The following ARHGAP9 variants were observed in gnomAD, a reference collection of about 807,000 sequenced individuals.
The protein encoded by ARHGAP9 is Rho GTPase activating protein 9.
A neutral mutation model predicts 87.3 loss-of-function variants in ARHGAP9; 76 were observed. That is an observed-to-expected ratio of 0.87 (90% CI 0.72 to 1.05). The LOEUF is 1.05. Ranked by LOEUF, ARHGAP9 falls within the 50% of genes least tolerant of loss-of-function variation. The pLI is 0.00. For missense variants in ARHGAP9, 941 were observed against 960.5 expected, an observed-to-expected ratio of 0.98 and a Z score of 0.27; for synonymous variants, 382 against 394.9, an observed-to-expected ratio of 0.97 and a Z score of 0.39.
chr12:57,472,813 A>C (rs1250524456), intron 17 of ARHGAP9, 125 bp from the exon 18 acceptor site: 1 of 1,009,704 alleles, frequency 9.9e-7, no homozygotes, highest in Non-Finnish European at 1.5e-6. Context: ...ATGGTAACAA[A>C]AAAACCAAGG....
At chr12:57,477,345 G>T in intron 4 of ARHGAP9, 76 bp from the exon 5 acceptor site, 1 of 1,511,892 alleles carries the variant, frequency 6.6e-7, no homozygotes, top group Non-Finnish European at 9.0e-7. Flanking sequence ...TCTTATACTT[G>T]GCTGATTCTT....
chr12:57,477,652 G>A lies in ARHGAP9; in HGVS notation c.563C>T (p.Pro188Leu), dbSNP rs777374501. The A allele has an allele frequency of 6.2e-7, 1 of 1,612,984 alleles. No individual in the cohort carries two copies. The highest frequency in any genetic ancestry group is 1.3e-5 in the African/African-American group (1 of 74,824). Residue 188 changes from proline (P) to leucine (L), a missense_variant, in exon 4 of 18, where the codon CCC becomes CTC. Physicochemically the swap from Pro to Leu is moderately conservative, Grantham distance 98. Coordinates refer to ENST00000393791, the MANE Select transcript of ARHGAP9 (RefSeq NM_032496.4). Reference protein sequence around the residue: ...TAGPQPLMSEPPVYCNLVDLR... With the variant: ...TAGPQPLMSELPVYCNLVDLR... The stretch of plus-strand genomic sequence containing the variant: ...GTCCACCAGGTTACAGTACACAGGG[G>A]GCTCTGACATGAGGGGCTGGGGGCC...
intron 1 of ARHGAP9, chr12:57,488,399 C>T: frequency 1.4e-6 from 1 of 733,278 alleles, no homozygotes; most frequent in Non-Finnish European, 2.2e-6. Context: ...CAATATAATA[C>T]CCTTCCCTTA....
upstream of ARHGAP9, among the ~76,000 whole-genome samples, chr12:57,483,407 C>T (rs1484918453): frequency 1.3e-5 from 2 of 152,182 alleles, no homozygotes; most frequent in East Asian, 1.9e-4. Context: ...ATATAGTTCT[C>T]ATTGCATATA....
chr12:57,479,980 G>A (rs1189120978), upstream of ARHGAP9: 4 of 1,362,354 alleles, frequency 2.9e-6, no homozygotes, highest in African/African-American at 4.5e-5. Context: ...GAGAGACATG[G>A]TGACAGAGAA....
intron 13 of ARHGAP9, 72 bp from the exon 14 acceptor site, chr12:57,474,775 G>A (rs1872964552): frequency 6.2e-7 from 1 of 1,606,266 alleles, no homozygotes; most frequent in Non-Finnish European, 8.5e-7. Flanking sequence ...TAAGGGTGGA[G>A]AGAAAAAGGG....
intron 3 of ARHGAP9, 163 bp from the exon 4 acceptor site, chr12:57,477,843 G>T: frequency 6.9e-7 from 1 of 1,451,314 alleles, no homozygotes; most frequent in Non-Finnish European, 9.0e-7. Context: ...GGCCCCAGCT[G>T]CTTTTTAAAA....
chr12:57,475,880 C>A lies in ARHGAP9; in HGVS notation c.1264G>T (p.Glu422Ter), dbSNP rs1165599678. 1.5e-5 allele frequency: 25 copies of A among 1,613,830 alleles called. No homozygotes were observed. The highest frequency in any genetic ancestry group is 2.0e-5 in the Non-Finnish European group (24 of 1,179,920). Residue 422 changes from glutamate to a stop codon, truncating the protein, a stop_gained, in exon 10 of 18, where the codon GAG (glutamate) becomes TAG (stop). Transcript: ENST00000393791. LOFTEE classifies it high-confidence loss of function. ...AGCGCGCGGTGCCAGGCTCGCAGCT[C>A]TGTCTCGTGGTCCGACTGCAGCAGG... ...EFLLQSDHET[E>*]LRAWHRALRT...
chr12:57,475,708 G>A, intron 10 of ARHGAP9, 93 bp from the exon 11 acceptor site: 2 of 1,548,894 alleles, frequency 1.3e-6, no homozygotes, highest in African/African-American at 1.4e-5. Flanking sequence ...CCCACATCCC[G>A]GCCCAGGCAA....
chr12:57,476,673 A>G, intron 6 of ARHGAP9, 22 bp from the exon 7 acceptor site: 1 of 1,568,920 alleles, frequency 6.4e-7, no homozygotes. Flanking sequence ...AGGGAATGGG[A>G]TCTGTAAGTC....
At position 57,472,296 on chromosome 12, in the gene ARHGAP9, T is replaced by C; in HGVS notation, c.*221A>G. 3.2e-6 allele frequency: 2 copies of C among 618,048 alleles called. No individual in the cohort carries two copies. Among genetic ancestry groups the C allele is most frequent in the Admixed American group, 3.2e-5 (1 of 30,968 alleles). 38.3% of individuals were successfully genotyped at this position (618,048 alleles called of 1,614,324 possible). ...CCATGCCACTTTATGTATTATTATG[T>C]TGGGGAGGAATGATAACAGGGAACA... On this transcript the variant is annotated 3_prime_UTR_variant, in exon 18 of 18. Coordinates refer to ENST00000393791, the MANE Select transcript of ARHGAP9 (RefSeq NM_032496.4).
At position 57,473,723 on chromosome 12, in the gene ARHGAP9, G is replaced by A. The variant is rs888197863; in HGVS notation, c.1919-15C>T. The A allele has an allele frequency of 1.9e-6, 3 of 1,607,356 alleles. No individual in the cohort carries two copies. The highest frequency in any genetic ancestry group is 1.1e-5 in the South Asian group (1 of 90,920). On this transcript the variant is annotated splice_polypyrimidine_tract_variant and intron_variant, in intron 16 of 17. Coordinates refer to ENST00000393791, the MANE Select transcript of ARHGAP9 (RefSeq NM_032496.4). ...TTCGGAGAGTGCTAGAGAGAGTGAT[G>A]GGAAAGGCATGGTAGTAAGGTTAGG...
upstream of ARHGAP9, chr12:57,480,817 T>C (rs775537484): frequency 9.0e-6 from 14 of 1,550,590 alleles, no homozygotes; most frequent in Non-Finnish European, 1.2e-5. Flanking sequence ...GCTTCTCCAC[T>C]GCACAATGTG....
At position 57,475,389 on chromosome 12, in the gene ARHGAP9, G is replaced by C; in HGVS notation, c.1454C>G (p.Pro485Arg). The change falls in exon 12 of 18, where the codon CCC becomes CGC. Residue 485 changes from proline to arginine, a missense_variant. Transcript: ENST00000393791. Reference protein sequence around the residue: ...LSSRRSSIRGPEGTEQNRVRN... With the variant: ...LSSRRSSIRGREGTEQNRVRN... ...CACGCGGTTCTGCTCGGTGCCTTCG[G>C]GCCCCCGAACTGCAGGAGGCAGGTA... is the stretch of plus-strand genomic sequence containing the variant. 6.3e-7 allele frequency: 1 copy of C among 1,594,996 alleles called. No homozygotes were observed. The highest frequency in any genetic ancestry group is 1.7e-5 in the Admixed American group (1 of 57,430).
chr12:57,474,322 A>T (rs138468362), intron 15 of ARHGAP9, 101 bp downstream of exon 15: 190 of 1,578,936 alleles, frequency 1.2e-4, no homozygotes, highest in Admixed American at 2.7e-4. Context: ...TAAGGTGGGG[A>T]TGAGGACAAC....
In ARHGAP9 at chr12:57,476,093, G is replaced by A; in HGVS notation, c.1190C>T (p.Ser397Phe). The A allele has an allele frequency of 6.5e-7, 1 of 1,538,386 alleles. No homozygotes were observed. The highest frequency in any genetic ancestry group is 8.7e-7 in the Non-Finnish European group (1 of 1,143,290). ...GAALAHGRHL[S>F]SRRNVLHIRT... is the part of the protein sequence containing the mutation. Reference sequence around the variant, plus strand: ...CACGTGCAGGACGTTGCGGCGGCTGGACAGGTGGCGGCCGTGCGCCAGGGC... The same window carrying A: ...CACGTGCAGGACGTTGCGGCGGCTGAACAGGTGGCGGCCGTGCGCCAGGGC... The change falls in exon 9 of 18, where the codon TCC (serine) becomes TTC (phenylalanine). Residue 397 changes from serine to phenylalanine, a missense_variant. By Grantham distance (155) the Ser-to-Phe change is radical (BLOSUM62 -2). Coordinates refer to ENST00000393791, the MANE Select transcript of ARHGAP9 (RefSeq NM_032496.4).
chr12:57,482,993 G>T (rs2139975080), upstream of ARHGAP9, among the ~76,000 whole-genome samples: 1 of 151,494 alleles, frequency 6.6e-6, no homozygotes, highest in African/African-American at 2.4e-5. Context: ...CAGCTACTTG[G>T]GAGGCTGGGG....
rs1455237626 is a variant in ARHGAP9 at position 57,479,518 on chromosome 12, G to A, written c.-18-94C>T. ...GGTTCTAGGAGCAGTGTTGCAGGGAGGTGAGGACGGGAGCCCTTGAGTTGG... is the reference window on the plus strand; with the variant it reads ...GGTTCTAGGAGCAGTGTTGCAGGGAAGTGAGGACGGGAGCCCTTGAGTTGG... On this transcript the variant is annotated intron_variant, in intron 1 of 17. Coordinates refer to ENST00000393791, the MANE Select transcript of ARHGAP9 (RefSeq NM_032496.4). 2.0e-6 allele frequency: 3 copies of A among 1,499,784 alleles called. No homozygotes were observed. The East Asian group carries it at 7.3e-5, about 37-fold the overall frequency. 92.9% of individuals were successfully genotyped at this position (1,499,784 alleles called of 1,614,324 possible). A position where few individuals can be genotyped will look rare whatever the true frequency, so the allele number is the denominator to read the frequency against.
In ARHGAP9 at chr12:57,477,469, C is replaced by A; in HGVS notation, c.746G>T (p.Arg249Leu). ...GAGGTAAGGTCTCACCGTCTCGCTG[C>A]GACTGCGGCGCGGGGGCTTCCAGGA... The part of the protein sequence containing the change: ...CKSWKPPRRS[R>L]SETNPGSMEG... Residue 249 changes from arginine (R) to leucine (L), a missense_variant, in exon 4 of 18, where the codon CGC (arginine) becomes CTC (leucine). Coordinates refer to ENST00000393791, the MANE Select transcript of ARHGAP9 (RefSeq NM_032496.4). 4 of 1,614,020 alleles carry A rather than the reference C, an allele frequency of 2.5e-6. No individual in the cohort carries two copies. The highest frequency in any genetic ancestry group is 1.3e-5 in the African/African-American group (1 of 75,022).
Sources: allele counts gnomAD v4.1 joint callset (sites outside exome capture counted in the v4.1 genomes callset), GRCh38; gene constraint gnomAD v4.1.1; transcripts MANE v1.5; gene names NCBI Gene and HGNC (gene_info 2026-07-23, HGNC 2026-07-21).